Variants in FARS2 observed in about 807,000 individuals in gnomAD.
FARS2 encodes the protein phenylalanyl-tRNA synthetase 2, mitochondrial, also known as phenylalanine--tRNA ligase, mitochondrial.
In FARS2, 40 loss-of-function variants were observed where a neutral mutation model predicts 46.4. The observed-to-expected ratio is 0.86, with a 90% CI of 0.67 to 1.12. The LOEUF (loss-of-function observed/expected upper bound fraction) is 1.12, where lower values mean the gene tolerates loss of function less well. FARS2 is among the 50% of genes most tolerant of loss of function. FARS2 has a pLI of 0.00. For missense variants in FARS2, 513 were observed against 567.9 expected (o/e 0.90, Z 0.98); for synonymous variants, 234 against 214.9 (o/e 1.09, Z -0.78).
chr6:5,613,725 A>G (rs1349871484), intron 6 of FARS2, among the ~76,000 whole-genome samples: 1 of 152,184 alleles, frequency 6.6e-6, no homozygotes, highest in Non-Finnish European at 1.5e-5. Context: ...CAAGATCTAT[A>G]TTACGTCCTA....
intron 4 of FARS2, among the ~76,000 whole-genome samples, chr6:5,445,491 G>A (rs560434890): frequency 3.3e-5 from 5 of 152,198 alleles, no homozygotes; most frequent in South Asian, 4.2e-4. Flanking sequence ...TGTTATGTCC[G>A]TGAACAAAAT....
At chr6:5,370,486 G>T (rs1182467915) in intron 2 of FARS2, among the ~76,000 whole-genome samples, 3 of 152,098 alleles carry the variant, frequency 2.0e-5, no homozygotes, top group Non-Finnish European at 4.4e-5. Flanking sequence ...GTCAAAATCT[G>T]GGAAATATGA....
intron 2 of FARS2, among the ~76,000 whole-genome samples, chr6:5,377,204 T>G (rs977812309): frequency 2.6e-5 from 4 of 152,230 alleles, no homozygotes; most frequent in Non-Finnish European, 4.4e-5. Flanking sequence ...GAAACATGCA[T>G]GTGTGGACCA....
intron 1 of FARS2, among the ~76,000 whole-genome samples, chr6:5,301,181 G>T (rs1431308504): frequency 2.6e-5 from 4 of 152,058 alleles, no homozygotes; most frequent in African/African-American, 9.7e-5. Context: ...GACCTCCAGG[G>T]TCTGGTTAGT....
intron 4 of FARS2, among the ~76,000 whole-genome samples, chr6:5,524,674 A>G (rs1442293864): frequency 6.6e-6 from 1 of 152,176 alleles, no homozygotes; most frequent in Non-Finnish European, 1.5e-5. Context: ...CTAGGAGGTA[A>G]GTACTGCCAA....
intron 6 of FARS2, among the ~76,000 whole-genome samples, chr6:5,626,046 A>C (rs1315195034): frequency 6.6e-6 from 1 of 152,184 alleles, no homozygotes; most frequent in African/African-American, 2.4e-5. Flanking sequence ...GAGCCAGGGA[A>C]GGTGTTATCA....
intron 6 of FARS2, among the ~76,000 whole-genome samples, chr6:5,682,352 A>C (rs1272117948): frequency 6.6e-6 from 1 of 152,244 alleles, no homozygotes; most frequent in Non-Finnish European, 1.5e-5. Context: ...ATTCGGCAAT[A>C]AATATTGAAA....
intron 4 of FARS2, among the ~76,000 whole-genome samples, chr6:5,448,955 C>G (rs1312509503): frequency 1.3e-5 from 2 of 152,148 alleles, no homozygotes; most frequent in Admixed American, 6.5e-5. Context: ...TCTGAAGTGT[C>G]TATAAGACAT....
chr6:5,587,881 T>C (rs532287774), intron 5 of FARS2, among the ~76,000 whole-genome samples: 5 of 152,278 alleles, frequency 3.3e-5, no homozygotes, highest in African/African-American at 1.2e-4. Context: ...ATTTATCTCA[T>C]AAGGTTGTTA....
At chr6:5,613,020 T>C in intron 5 of FARS2, 149 bp from the exon 6 acceptor site, 1 of 644,804 alleles carries the variant, frequency 1.6e-6, no homozygotes. Flanking sequence ...TGATTTGTCT[T>C]TTAAGTTCAT....
At chr6:5,662,605 A>G (rs1777902326) in intron 6 of FARS2, among the ~76,000 whole-genome samples, 1 of 152,250 alleles carries the variant, frequency 6.6e-6, no homozygotes, top group African/African-American at 2.4e-5. Flanking sequence ...CTCTAGATCC[A>G]TCCAAATGTG....
At chr6:5,536,074 C>T (rs35257066) in intron 4 of FARS2, among the ~76,000 whole-genome samples, 5,014 of 135,068 alleles carry the variant, frequency 0.037, 289 homozygotes, top group African/African-American at 0.13. Context: ...TTTTTTGAGA[C>T]GGAGTCTCAC....
At chr6:5,677,536 G>T (rs1582738098) in intron 6 of FARS2, among the ~76,000 whole-genome samples, 1 of 152,352 alleles carries the variant, frequency 6.6e-6, no homozygotes, top group East Asian at 1.9e-4. Flanking sequence ...CAAGACACCT[G>T]TGTGGGAGCC....
intron 3 of FARS2, among the ~76,000 whole-genome samples, chr6:5,406,545 T>A (rs142725154): frequency 0.026 from 4,017 of 152,292 alleles, 70 homozygotes; most frequent in South Asian, 0.067. Context: ...TGTGCTCTTT[T>A]TTGTCTGGCT....
At chr6:5,278,480 A>G (rs1249935421) in intron 1 of FARS2, among the ~76,000 whole-genome samples, 1 of 152,160 alleles carries the variant, frequency 6.6e-6, no homozygotes, top group Non-Finnish European at 1.5e-5. Flanking sequence ...TTTTACACAA[A>G]GTTTTTTACT....
upstream of FARS2, among the ~76,000 whole-genome samples, chr6:5,256,717 T>C (rs1394415363): frequency 6.6e-6 from 1 of 152,018 alleles, no homozygotes; most frequent in Admixed American, 6.6e-5. Flanking sequence ...AGCCCTGTGA[T>C]TAACTACCTC....
At chr6:5,490,518 G>A (rs1285143515) in intron 4 of FARS2, among the ~76,000 whole-genome samples, 1 of 152,192 alleles carries the variant, frequency 6.6e-6, no homozygotes, top group African/African-American at 2.4e-5. Flanking sequence ...CCACCAGCCT[G>A]CAAGATGGCC....
rs376925175 is a variant in FARS2 at position 5,659,438 on chromosome 6, G to A, written c.1217+46118G>A. Among the ~76,000 whole-genome samples, 14 of 152,324 alleles carry A rather than the reference G, an allele frequency of 9.2e-5. No homozygotes were observed. The East Asian group carries it at 1.7e-3, about 19-fold the overall frequency. ...TCCCTTGAGGAACTCACAGTACAGC[G>A]AAGTGACAGTCCGGTGAGCAGATAA... On this transcript the variant is annotated intron_variant, in intron 6 of 6. Transcript: ENST00000274680.
chr6:5,307,243 T>C (rs1475341369), intron 1 of FARS2, among the ~76,000 whole-genome samples: 1 of 152,210 alleles, frequency 6.6e-6, no homozygotes, highest in Non-Finnish European at 1.5e-5. Context: ...TGTGAGTGGG[T>C]AATGGCACTG....
Sources: gnomAD v4.1 joint callset for allele counts (sites outside exome capture counted in the v4.1 genomes callset) on GRCh38, gnomAD v4.1.1 for gene constraint, MANE v1.5 for transcripts, NCBI Gene and HGNC (gene_info 2026-07-23, HGNC 2026-07-21) for gene names.